Variants in LINGO2 observed in about 807,000 individuals in gnomAD.
LINGO2 encodes leucine-rich repeat and immunoglobulin-like domain-containing nogo receptor-interacting protein 2.
LINGO2 carries 14 observed loss-of-function variants against 30.6 expected under a neutral mutation model. The ratio of observed to expected loss-of-function variants is 0.46; its 90% CI spans 0.30 to 0.72. The LOEUF (loss-of-function observed/expected upper bound fraction) is 0.72. LINGO2 is among the 30% of genes least tolerant of loss of function. The pLI, the probability that LINGO2 is intolerant of heterozygous loss-of-function variation, is 0.07. For missense variants in LINGO2, 729 were observed against 751.7 expected, an observed-to-expected ratio of 0.97 and a Z score of 0.35; for synonymous variants, 317 against 288.5, an observed-to-expected ratio of 1.10 and a Z score of -1.00.
chr9:28,045,680 A>T (rs1194926534), intron 4 of LINGO2, among the ~76,000 whole-genome samples: 2 of 152,178 alleles, frequency 1.3e-5, no homozygotes, highest in Non-Finnish European at 2.9e-5. Flanking sequence ...GACCAAATTA[A>T]ACACATTACA....
At chr9:27,976,826 C>G (rs1820617979) in intron 5 of LINGO2, among the ~76,000 whole-genome samples, 1 of 152,048 alleles carries the variant, frequency 6.6e-6, no homozygotes, top group South Asian at 2.1e-4. Context: ...TGAGTAGATG[C>G]CAGGCTGGGA....
chr9:28,800,366 T>G, the LINGO2 span, among the ~76,000 whole-genome samples: 1 of 152,086 alleles, frequency 6.6e-6, no homozygotes, highest in Non-Finnish European at 1.5e-5. Flanking sequence ...ATATTCCCGG[T>G]GTATTTTTTC....
At chr9:28,001,160 C>A (rs1271809028) in intron 5 of LINGO2, among the ~76,000 whole-genome samples, 1 of 152,020 alleles carries the variant, frequency 6.6e-6, no homozygotes, top group African/African-American at 2.4e-5. Flanking sequence ...ACTATAGAAT[C>A]CTTTCTTCAA....
At chr9:28,013,983 A>G (rs1822690857) in intron 4 of LINGO2, among the ~76,000 whole-genome samples, 1 of 152,200 alleles carries the variant, frequency 6.6e-6, no homozygotes, top group South Asian at 2.1e-4. Flanking sequence ...AAGGTGAAGA[A>G]GTACATGCTC....
At chr9:28,995,663 A>G in the LINGO2 span, among the ~76,000 whole-genome samples, 1 of 152,204 alleles carries the variant, frequency 6.6e-6, no homozygotes, top group Non-Finnish European at 1.5e-5. Context: ...AATGTGGCAC[A>G]TATACACTAT....
intron 4 of LINGO2, among the ~76,000 whole-genome samples, chr9:28,071,429 G>A (rs143937388): frequency 3.7e-4 from 56 of 151,980 alleles, no homozygotes; most frequent in Non-Finnish European, 7.1e-4. Flanking sequence ...CAATCACTCT[G>A]CTACTCTTTG....
At chr9:29,072,222 G>C in the LINGO2 span, among the ~76,000 whole-genome samples, 2 of 152,018 alleles carry the variant, frequency 1.3e-5, no homozygotes, top group Non-Finnish European at 2.9e-5. Context: ...AAGAGCACAA[G>C]CCCTGCATAT....
intron 4 of LINGO2, among the ~76,000 whole-genome samples, chr9:28,265,578 G>A (rs1426552005): frequency 6.6e-6 from 1 of 151,906 alleles, no homozygotes; most frequent in Non-Finnish European, 1.5e-5. Context: ...ATACATTAAA[G>A]TATTAAAGAG....
At chr9:28,690,993 A>G in the LINGO2 span, among the ~76,000 whole-genome samples, 2 of 152,184 alleles carry the variant, frequency 1.3e-5, no homozygotes, top group Non-Finnish European at 2.9e-5. Flanking sequence ...GTAGATGGAG[A>G]TGGAGAATGT....
chr9:27,957,269 C>T (rs1007218145), intron 5 of LINGO2, among the ~76,000 whole-genome samples: 3 of 152,002 alleles, frequency 2.0e-5, no homozygotes, highest in East Asian at 1.9e-4. Context: ...TATACCAGTA[C>T]GGCTGTCTTG....
At chr9:29,017,579 T>C in the LINGO2 span, among the ~76,000 whole-genome samples, 3 of 152,042 alleles carry the variant, frequency 2.0e-5, no homozygotes, top group African/African-American at 7.2e-5. Flanking sequence ...AGGTGGCTAG[T>C]AAACACTGAC....
the LINGO2 span, among the ~76,000 whole-genome samples, chr9:29,189,518 A>G: frequency 6.7e-6 from 1 of 148,964 alleles, no homozygotes; most frequent in African/African-American, 2.5e-5. Context: ...GGTGCTCCCC[A>G]CATCTCAGAC....
intron 5 of LINGO2, among the ~76,000 whole-genome samples, chr9:27,959,380 A>G (rs1819728680): frequency 6.6e-6 from 1 of 152,060 alleles, no homozygotes; most frequent in Non-Finnish European, 1.5e-5. Flanking sequence ...TTCTTCACTG[A>G]CTTAAGGTAT....
intron 2 of LINGO2, among the ~76,000 whole-genome samples, chr9:28,429,704 C>G (rs1377986287): frequency 5.3e-5 from 8 of 152,186 alleles, no homozygotes; most frequent in Admixed American, 5.2e-4. Context: ...AATTACCATA[C>G]TCATCACCAC....
At chr9:28,994,815 T>A in the LINGO2 span, among the ~76,000 whole-genome samples, 1 of 152,304 alleles carries the variant, frequency 6.6e-6, no homozygotes, top group African/African-American at 2.4e-5. Context: ...TGGCTAGCCA[T>A]ATGTAGAAAG....
intron 2 of LINGO2, among the ~76,000 whole-genome samples, chr9:28,460,027 T>C (rs1289448555): frequency 6.6e-6 from 1 of 152,168 alleles, no homozygotes; most frequent in African/African-American, 2.4e-5. Flanking sequence ...CTTGTGTGTC[T>C]GATGAATTTA....
At chr9:29,063,980 T>C in the LINGO2 span, among the ~76,000 whole-genome samples, 1 of 152,128 alleles carries the variant, frequency 6.6e-6, no homozygotes, top group Non-Finnish European at 1.5e-5. Flanking sequence ...AGAAAGTCAG[T>C]TACTATGGCC....
At chr9:28,746,325 C>A in the LINGO2 span, among the ~76,000 whole-genome samples, 1 of 151,942 alleles carries the variant, frequency 6.6e-6, no homozygotes, top group Non-Finnish European at 1.5e-5. Flanking sequence ...AATAAAATTA[C>A]TTGACACGCT....
intron 2 of LINGO2, among the ~76,000 whole-genome samples, chr9:28,442,408 T>C (rs1824235033): frequency 6.6e-6 from 1 of 152,126 alleles, no homozygotes; most frequent in Non-Finnish European, 1.5e-5. Context: ...TTCTACACTA[T>C]ATACATATAT....
Sources: gnomAD v4.1 joint callset for allele counts (sites outside exome capture counted in the v4.1 genomes callset) on GRCh38, gnomAD v4.1.1 for gene constraint, MANE v1.5 for transcripts, NCBI Gene and HGNC (gene_info 2026-07-23, HGNC 2026-07-21) for gene names.